LY86: variants seen among roughly 807,000 people sequenced by gnomAD.
The protein encoded by LY86 is lymphocyte antigen 86.
LY86 carries 20 observed loss-of-function variants against 17.3 expected under a neutral mutation model. The observed-to-expected ratio is 1.15, with a 90% CI of 0.81 to 1.68. The LOEUF (loss-of-function observed/expected upper bound fraction) is 1.68, where lower values mean the gene tolerates loss of function less well. Among genes scored for constraint, LY86 ranks in the 40% most tolerant of loss-of-function variants. LY86 has a pLI of 0.00. For synonymous variants in LY86, 74 were observed against 70.6 expected, an observed-to-expected ratio of 1.05 and a Z score of -0.24; for missense variants, 200 against 191.9, an observed-to-expected ratio of 1.04 and a Z score of -0.25.
intron 3 of LY86, among the ~76,000 whole-genome samples, chr6:6,643,080 C>T (rs889219476): frequency 6.6e-6 from 1 of 152,208 alleles, no homozygotes; most frequent in Non-Finnish European, 1.5e-5. Flanking sequence ...GGTATCCCTT[C>T]CAGATACTGA....
At chr6:6,606,410 C>T (rs188190693) in intron 1 of LY86, among the ~76,000 whole-genome samples, 1 of 152,324 alleles carries the variant, frequency 6.6e-6, no homozygotes, top group East Asian at 1.9e-4. Flanking sequence ...CTGGCTTCAC[C>T]CACTGGATCC....
intron 1 of LY86, among the ~76,000 whole-genome samples, chr6:6,603,366 T>TTA (rs1760973929): frequency 3.7e-5 from 1 of 26,958 alleles, no homozygotes; most frequent in South Asian, 8.1e-4. Context: ...CCAAGACAGT[T>TTA]CACAAAAATT....
chr6:6,637,608 C>T (rs910861553), intron 3 of LY86, among the ~76,000 whole-genome samples: 2 of 152,152 alleles, frequency 1.3e-5, no homozygotes, highest in Non-Finnish European at 2.9e-5. Context: ...GGCCAACTCA[C>T]GACTCCCCCA....
chr6:6,653,972 C>G (rs1762223870), intron 4 of LY86, among the ~76,000 whole-genome samples: 1 of 152,192 alleles, frequency 6.6e-6, no homozygotes, highest in South Asian at 2.1e-4. Flanking sequence ...GACACAGGCG[C>G]CAGGGCAGGC....
intron 3 of LY86, among the ~76,000 whole-genome samples, chr6:6,641,999 C>T (rs1302716132): frequency 2.0e-5 from 3 of 152,240 alleles, no homozygotes; most frequent in African/African-American, 7.2e-5. Flanking sequence ...AGTTCACATC[C>T]CTGCACTTCC....
chr6:6,622,253 A>G (rs1179564228), intron 1 of LY86, among the ~76,000 whole-genome samples: 1 of 152,156 alleles, frequency 6.6e-6, no homozygotes, highest in Non-Finnish European at 1.5e-5. Flanking sequence ...CCCTTAGTTG[A>G]TTCTTTCTAT....
intron 3 of LY86, among the ~76,000 whole-genome samples, chr6:6,633,953 G>T (rs539033757): frequency 6.6e-6 from 1 of 152,288 alleles, no homozygotes; most frequent in African/African-American, 2.4e-5. Context: ...TAGAGTATCT[G>T]TAGGTCAAGG....
chr6:6,624,795 A>T, intron 1 of LY86, 131 bp from the exon 2 acceptor site: 1 of 583,098 alleles, frequency 1.7e-6, no homozygotes, highest in South Asian at 1.9e-5. Flanking sequence ...GGCTTATTTT[A>T]AAAAGTGTTG....
Position 6,648,597 on chromosome 6 carries a change from A to G in LY86, c.353-1028A>G, listed in dbSNP as rs74598970. Among the ~76,000 whole-genome samples the G allele has an allele frequency of 0.014, 2,145 of 152,258 alleles. 179 individuals carry two copies. The East Asian group carries it at 0.25, about 18-fold the overall frequency. Reference sequence around the variant, plus strand: ...ATGCTACCTCCTTACAGACGCCTCCATGACCTGCCACCCTGTGGAACATGG... The same window carrying G: ...ATGCTACCTCCTTACAGACGCCTCCGTGACCTGCCACCCTGTGGAACATGG... On this transcript the variant is annotated intron_variant, in intron 3 of 4. Coordinates refer to ENST00000230568, the MANE Select transcript of LY86 (RefSeq NM_004271.4).
intron 3 of LY86, among the ~76,000 whole-genome samples, chr6:6,637,918 C>A (rs980764396): frequency 6.6e-6 from 1 of 152,176 alleles, no homozygotes; most frequent in Non-Finnish European, 1.5e-5. Context: ...TATTTGTCCA[C>A]AAAATTTAGG....
chr6:6,595,122 G>A (rs181360935), intron 1 of LY86, among the ~76,000 whole-genome samples: 1 of 151,672 alleles, frequency 6.6e-6, no homozygotes, highest in Non-Finnish European at 1.5e-5. Context: ...CAGGAAGAGA[G>A]GGAGGTGGTG....
intron 1 of LY86, among the ~76,000 whole-genome samples, chr6:6,616,524 TG>T (rs1482178618): frequency 6.6e-5 from 10 of 152,208 alleles, no homozygotes; most frequent in Non-Finnish European, 1.5e-4. Context: ...TCAAGACTAA[TG>T]AGAGAATCAA....
chr6:6,628,228 A>G (rs1014776936), intron 3 of LY86, among the ~76,000 whole-genome samples: 1 of 150,014 alleles, frequency 6.7e-6, no homozygotes, highest in Non-Finnish European at 1.5e-5. Context: ...CCTCAACCAC[A>G]GTCAGTCCTT....
At chr6:6,627,452 A>C (rs921881295) in intron 3 of LY86, among the ~76,000 whole-genome samples, 7 of 152,204 alleles carry the variant, frequency 4.6e-5, no homozygotes, top group Admixed American at 4.6e-4. Context: ...TAGAGGGCAG[A>C]ACCAGCCTGG....
At chr6:6,594,862 C>T (rs1003806132) in intron 1 of LY86, among the ~76,000 whole-genome samples, 1 of 152,162 alleles carries the variant, frequency 6.6e-6, no homozygotes, top group Non-Finnish European at 1.5e-5. Context: ...GAAGCGTACA[C>T]ACATTAAGCA....
chr6:6,612,345 T>TA (rs1272352369), intron 1 of LY86, among the ~76,000 whole-genome samples: 10 of 152,246 alleles, frequency 6.6e-5, no homozygotes, highest in Non-Finnish European at 1.2e-4. Flanking sequence ...CAGTAAGCAT[T>TA]ACACTTCTTA....
intron 1 of LY86, among the ~76,000 whole-genome samples, chr6:6,605,490 CAG>C (rs1414461132): frequency 1.3e-5 from 2 of 152,240 alleles, no homozygotes; most frequent in African/African-American, 4.8e-5. Context: ...AGCTATTAGC[CAG>C]AGATCAGTGC....
intron 3 of LY86, among the ~76,000 whole-genome samples, chr6:6,642,030 C>T (rs2113157764): frequency 6.6e-6 from 1 of 152,356 alleles, no homozygotes; most frequent in South Asian, 2.1e-4. Context: ...TCACGGGCTT[C>T]TCTGAAGCAG....
At position 6,636,970 on chromosome 6, in the gene LY86, T is replaced by C. The variant is rs138471849; in HGVS notation, c.352+10549T>C. Among the ~76,000 whole-genome samples the C allele has an allele frequency of 6.7e-3, 1,004 of 150,930 alleles. 11 individuals carry two copies. Among genetic ancestry groups the C allele is most frequent in the African/African-American group, 0.023 (959 of 41,006 alleles). The stretch of plus-strand genomic sequence containing the variant: ...GCAATGACTAAGCAAAAGAGTACTT[T>C]TTCTTGCTAAATGGAATGAAAGGAA... On this transcript the variant is annotated intron_variant, in intron 3 of 4. Coordinates refer to ENST00000230568, the MANE Select transcript of LY86 (RefSeq NM_004271.4).
Sources: gnomAD v4.1 joint callset for allele counts (sites outside exome capture counted in the v4.1 genomes callset) on GRCh38, gnomAD v4.1.1 for gene constraint, MANE v1.5 for transcripts, NCBI Gene and HGNC (gene_info 2026-07-23, HGNC 2026-07-21) for gene names.